The following GPATCH1 variants were observed in gnomAD, a reference collection of about 807,000 sequenced individuals.
GPATCH1 encodes the protein G-patch domain containing 1.
In GPATCH1, 73 loss-of-function variants were observed where a neutral mutation model predicts 114.9. That is an observed-to-expected ratio of 0.64 (90% CI 0.53 to 0.77). The LOEUF (loss-of-function observed/expected upper bound fraction) is 0.77. Among genes scored for constraint, GPATCH1 ranks in the 30% least tolerant of loss-of-function variants. GPATCH1 has a pLI of 0.00. For synonymous variants in GPATCH1, 391 were observed against 428.4 expected, an observed-to-expected ratio of 0.91 and a Z score of 1.08; for missense variants, 1,058 against 1,144.3, an observed-to-expected ratio of 0.92 and a Z score of 1.09.
intron 17 of GPATCH1, among the ~76,000 whole-genome samples, chr19:33,119,786 G>A (rs1972956757): frequency 1.3e-5 from 2 of 151,488 alleles, no homozygotes; most frequent in African/African-American, 2.4e-5. Flanking sequence ...TTGGGAGGGC[G>A]AGGTGGGAGG....
At chr19:33,109,383 T>C (rs1972823325) in intron 10 of GPATCH1, among the ~76,000 whole-genome samples, 1 of 152,108 alleles carries the variant, frequency 6.6e-6, no homozygotes, top group Non-Finnish European at 1.5e-5. Context: ...CCAGGCATTG[T>C]GGCACATGCC....
intron 1 of GPATCH1, among the ~76,000 whole-genome samples, chr19:33,086,645 G>A (rs529214794): frequency 5.3e-5 from 8 of 152,100 alleles, no homozygotes; most frequent in East Asian, 1.9e-4. Context: ...TAGCAGAGAC[G>A]GGGTTTCACC....
chr19:33,120,567 A>C (rs953279728), intron 17 of GPATCH1, among the ~76,000 whole-genome samples: 6 of 136,982 alleles, frequency 4.4e-5, no homozygotes, highest in Non-Finnish European at 9.5e-5. Context: ...AAAAAAAAAA[A>C]GGTAAAAGAG....
chr19:33,129,395 A>T (rs1180338442), intron 19 of GPATCH1, among the ~76,000 whole-genome samples: 6 of 151,164 alleles, frequency 4.0e-5, no homozygotes, highest in Non-Finnish European at 7.4e-5. Context: ...TAATATAGGG[A>T]GACCCTGTCT....
At chr19:33,098,231 G>A (rs1328794069) in intron 8 of GPATCH1, among the ~76,000 whole-genome samples, 3 of 152,166 alleles carry the variant, frequency 2.0e-5, no homozygotes, top group Non-Finnish European at 4.4e-5. Flanking sequence ...TCGAGGAACT[G>A]GGCAGGTGGC....
At chr19:33,125,243 G>C (rs544737173) in intron 18 of GPATCH1, 41 bp downstream of exon 18, 7 of 1,565,266 alleles carry the variant, frequency 4.5e-6, no homozygotes, top group African/African-American at 1.4e-5. Flanking sequence ...TGTGGGGTGG[G>C]ACCCGCTGGT....
At chr19:33,111,142 C>G (rs1421336049) in intron 11 of GPATCH1, among the ~76,000 whole-genome samples, 1 of 151,338 alleles carries the variant, frequency 6.6e-6, no homozygotes, top group Non-Finnish European at 1.5e-5. Context: ...AAGTGATTAT[C>G]CTGCCTCAGC....
rs549808269 is a variant in GPATCH1, at chr19:33,107,694, G to A, written c.1285+795G>A. On this transcript the variant is annotated intron_variant, in intron 10 of 19. Coordinates refer to ENST00000170564, the MANE Select transcript of GPATCH1 (RefSeq NM_018025.3). ...CCATGGGGAACTCAATAGGTGTCTC[G>A]TATAATTGGCAAACAGAACCCTTGG... 9.9e-5 allele frequency among the ~76,000 whole-genome samples: 15 copies of A among 152,218 alleles called. No individual in the cohort carries two copies. In the South Asian group the frequency reaches 1.2e-3, roughly 13 times the overall value.
Position 33,106,758 on chromosome 19 carries a change from G to T in GPATCH1, c.1144G>T (p.Ala382Ser). Reference sequence around the variant, plus strand: ...AGTGCATTATTTCAGACCCATGGTGGCCGCCACCTCCGAGAACTCACACTT... The same window carrying T: ...AGTGCATTATTTCAGACCCATGGTGTCCGCCACCTCCGAGAACTCACACTT... ...RPVHYFRPMV[A>S]ATSENSHLLQ... is the part of the protein sequence containing the mutation. Residue 382 changes from alanine (A) to serine (S), a missense_variant, in exon 10 of 20, where the codon GCC becomes TCC. Ala to Ser is a moderately conservative substitution (Grantham distance 99). Coordinates refer to ENST00000170564, the MANE Select transcript of GPATCH1 (RefSeq NM_018025.3). 6.2e-7 allele frequency: 1 copy of T among 1,613,802 alleles called. No individual in the cohort carries two copies. Among genetic ancestry groups the T allele is most frequent in the Non-Finnish European group, 8.5e-7 (1 of 1,179,924 alleles).
chr19:33,085,121 G>A (rs1001852452), intron 1 of GPATCH1, among the ~76,000 whole-genome samples: 1 of 152,160 alleles, frequency 6.6e-6, no homozygotes, highest in Non-Finnish European at 1.5e-5. Context: ...TCTCTGCTGG[G>A]CTCGGAGTGT....
At chr19:33,117,585 C>T (rs1461615372) in intron 15 of GPATCH1, among the ~76,000 whole-genome samples, 6 of 152,138 alleles carry the variant, frequency 3.9e-5, no homozygotes, top group Non-Finnish European at 7.3e-5. Flanking sequence ...TGAGCCACCA[C>T]GCCTGGCCCG....
intron 9 of GPATCH1, among the ~76,000 whole-genome samples, chr19:33,102,423 GTC>G: frequency 7.0e-6 from 1 of 142,548 alleles, no homozygotes; most frequent in African/African-American, 2.7e-5. Flanking sequence ...TTGAGATGGA[GTC>G]TTGTTCTGTC....
chr19:33,117,705 T>C, intron 15 of GPATCH1, 120 bp from the exon 16 acceptor site: 3 of 704,012 alleles, frequency 4.3e-6, no homozygotes, highest in Non-Finnish European at 7.5e-6. Flanking sequence ...TGTGTGGCTA[T>C]GGATACCCAT....
At chr19:33,093,942 G>A (rs1033405156) in intron 4 of GPATCH1, among the ~76,000 whole-genome samples, 3 of 152,100 alleles carry the variant, frequency 2.0e-5, no homozygotes, top group African/African-American at 7.2e-5. Flanking sequence ...TGATCCCATC[G>A]TAAAGGCCCA....
chr19:33,097,745 T>G lies in GPATCH1; in HGVS notation c.853-10T>G, dbSNP rs575676604. ...ACCTGTGCTCAGTTTGAAACCTTGT[T>G]TTTTTAAAGGCTTTTGGTGTAGGTG... On this transcript the variant is annotated splice_polypyrimidine_tract_variant and intron_variant, in intron 7 of 19. Transcript: ENST00000170564. 3 of 1,613,704 alleles carry G rather than the reference T, an allele frequency of 1.9e-6. No individual in the cohort carries two copies. In the South Asian group the frequency reaches 3.3e-5, roughly 18 times the overall value.
chr19:33,111,684 C>T, intron 11 of GPATCH1, 40 bp from the exon 12 acceptor site: 1 of 1,596,930 alleles, frequency 6.3e-7, no homozygotes, highest in Non-Finnish European at 8.6e-7. Flanking sequence ...CCCATGTTTT[C>T]CTGAAAAGTG....
intron 4 of GPATCH1, 138 bp from the exon 5 acceptor site, chr19:33,094,034 G>A (rs1013169305): frequency 1.1e-4 from 70 of 622,042 alleles, no homozygotes; most frequent in African/African-American, 2.2e-4. Flanking sequence ...GCAGGGTCAC[G>A]CCAGATGTAA....
At chr19:33,100,275 G>A (rs1032785522) in intron 8 of GPATCH1, 1 of 151,996 alleles carries the variant, frequency 6.6e-6, no homozygotes, top group African/African-American at 2.4e-5. Context: ...AGAAATTTTA[G>A]TAAGTTCTAG....
At chr19:33,095,651 C>G (rs1972648812) in intron 5 of GPATCH1, 111 bp from the exon 6 acceptor site, 1 of 766,836 alleles carries the variant, frequency 1.3e-6, no homozygotes, top group South Asian at 1.4e-5. Context: ...ATCCTCTCAC[C>G]TCAGCCTCCC....
Sources: gnomAD v4.1 joint callset for allele counts (sites outside exome capture counted in the v4.1 genomes callset) on GRCh38, gnomAD v4.1.1 for gene constraint, MANE v1.5 for transcripts, NCBI Gene and HGNC (gene_info 2026-07-23, HGNC 2026-07-21) for gene names.